Variants in ARL3 observed in about 807,000 individuals in gnomAD.
ARL3 encodes the protein ARF like GTPase 3, also known as ADP-ribosylation factor-like protein 3.
ARL3 carries 9 observed loss-of-function variants against 26.0 expected under a neutral mutation model. The ratio of observed to expected loss-of-function variants is 0.35; its 90% confidence interval spans 0.21 to 0.60. The LOEUF is 0.60. Ranked by LOEUF, ARL3 falls within the 20% of genes least tolerant of loss-of-function variation. The pLI is 0.78. For missense variants in ARL3, 158 were observed against 215.7 expected, an observed-to-expected ratio of 0.73 and a Z score of 1.67; for synonymous variants, 71 against 78.4, an observed-to-expected ratio of 0.91 and a Z score of 0.50.
At chr10:102,696,200 G>A (rs927165125) in intron 3 of ARL3, among the ~76,000 whole-genome samples, 2 of 151,148 alleles carry the variant, frequency 1.3e-5, no homozygotes, top group African/African-American at 4.9e-5. Context: ...TCCTGACCTC[G>A]TGATCCACCC....
chr10:102,707,307 AAAAAAGAAAAAAG>A (rs937384435), intron 1 of ARL3, among the ~76,000 whole-genome samples: 5 of 152,104 alleles, frequency 3.3e-5, no homozygotes, highest in South Asian at 2.1e-4. Flanking sequence ...CAAAAAGAAA[AAAAAAGAAAAAAG>A]AAAAAGAAAA....
chr10:102,697,392 T>A (rs1692634792), intron 3 of ARL3, among the ~76,000 whole-genome samples: 1 of 152,210 alleles, frequency 6.6e-6, no homozygotes. Context: ...TTGGCCAGGC[T>A]AGTCTTGAAT....
At chr10:102,686,156 T>G (rs2064184175) in intron 4 of ARL3, among the ~76,000 whole-genome samples, 155 bp from the exon 5 acceptor site, 2 of 151,190 alleles carry the variant, frequency 1.3e-5, no homozygotes, top group Non-Finnish European at 3.0e-5. Flanking sequence ...ACTGCAACCT[T>G]CGCTTCCCAG....
chr10:102,690,057 C>A, intron 3 of ARL3, 114 bp from the exon 4 acceptor site: 1 of 578,648 alleles, frequency 1.7e-6, no homozygotes, highest in South Asian at 2.8e-5. Context: ...GCACAACATA[C>A]AGAAATTGAC....
At chr10:102,688,781 G>A (rs2064201235) in intron 4 of ARL3, among the ~76,000 whole-genome samples, 1 of 152,210 alleles carries the variant, frequency 6.6e-6, no homozygotes, top group Admixed American at 6.5e-5. Flanking sequence ...GGGATTACAG[G>A]CGCGAGCCAC....
At chr10:102,701,674 A>G (rs1358323186) in intron 2 of ARL3, among the ~76,000 whole-genome samples, 2 of 152,206 alleles carry the variant, frequency 1.3e-5, no homozygotes, top group East Asian at 1.9e-4. Context: ...CAGAAAATAA[A>G]TAACAGTAAA....
At position 102,693,361 on chromosome 10, in the gene ARL3, G is replaced by GT. The variant is rs1026056501; in HGVS notation, c.265-3419dup. ...TCCGTATCAGCATTTGGTATTGTCA[G>GT]TTTTTTTTTTATTTTAGCCAGTCTA... On this transcript the variant is annotated intron_variant, in intron 3 of 5. Coordinates refer to ENST00000260746, the MANE Select transcript of ARL3 (RefSeq NM_004311.4). Among the ~76,000 whole-genome samples the GT allele has an allele frequency of 2.1e-3, 317 of 149,260 alleles. 2 individuals carry two copies. Among genetic ancestry groups the GT allele is most frequent in the Non-Finnish European group, 1.1e-3 (76 of 67,044 alleles).
At chr10:102,697,456 C>T (rs779246945) in intron 3 of ARL3, among the ~76,000 whole-genome samples, 3 of 152,296 alleles carry the variant, frequency 2.0e-5, no homozygotes, top group East Asian at 1.9e-4. Flanking sequence ...GGATTACAGG[C>T]GTGAGCCGCT....
intron 5 of ARL3, among the ~76,000 whole-genome samples, chr10:102,677,344 C>T (rs902193152): frequency 2.6e-5 from 4 of 152,204 alleles, no homozygotes; most frequent in African/African-American, 7.2e-5. Flanking sequence ...CCTTTTGGTG[C>T]CCCATGTGTT....
At position 102,674,830 on chromosome 10, in the gene ARL3, AG is replaced by A. The variant is rs1274784441; in HGVS notation, c.*2063del. ...GCTGAGAGCAAATCAGAACATTTACAGAGGCCGTTATCAGAGGAGTGGCTTC... is the reference window on the plus strand; with the variant it reads ...GCTGAGAGCAAATCAGAACATTTACAAGGCCGTTATCAGAGGAGTGGCTTC... On this transcript the variant is annotated 3_prime_UTR_variant, in exon 6 of 6. Coordinates refer to ENST00000260746, the MANE Select transcript of ARL3 (RefSeq NM_004311.4). The A allele has an allele frequency of 6.6e-6, 1 of 152,184 alleles. No individual in the cohort carries two copies. The highest frequency in any genetic ancestry group is 1.9e-4 in the East Asian group (1 of 5,186). 9.4% of individuals were successfully genotyped at this position (152,184 alleles called of 1,614,324 possible). A position where few individuals can be genotyped will look rare whatever the true frequency, so the allele number is the denominator to read the frequency against.
At chr10:102,711,706 G>A (rs528249332) in intron 1 of ARL3, among the ~76,000 whole-genome samples, 2 of 152,106 alleles carry the variant, frequency 1.3e-5, no homozygotes, top group South Asian at 4.1e-4. Flanking sequence ...GCAGTGAACG[G>A]AGATCGCGCC....
At chr10:102,705,170 C>T (rs2064302580) in intron 2 of ARL3, among the ~76,000 whole-genome samples, 176 bp downstream of exon 2, 1 of 152,178 alleles carries the variant, frequency 6.6e-6, no homozygotes. Context: ...CTCTAAATAC[C>T]TCATGAGAAT....
At chr10:102,682,152 C>T (rs1473563306) in intron 5 of ARL3, among the ~76,000 whole-genome samples, 1 of 152,140 alleles carries the variant, frequency 6.6e-6, no homozygotes, top group African/African-American at 2.4e-5. Flanking sequence ...TTCTCCCTCC[C>T]AGACATTTTT....
Position 102,714,301 on chromosome 10 carries a change from TCC to T in ARL3, c.-28_-27del. The T allele has an allele frequency of 7.6e-7, 1 of 1,311,700 alleles. No individual in the cohort carries two copies. Among genetic ancestry groups the T allele is most frequent in the Non-Finnish European group, 9.8e-7 (1 of 1,022,036 alleles). 81.3% of individuals were successfully genotyped at this position (1,311,700 alleles called of 1,614,324 possible). On this transcript the variant is annotated 5_prime_UTR_variant, in exon 1 of 6. Coordinates refer to ENST00000260746, the MANE Select transcript of ARL3 (RefSeq NM_004311.4). ...CCTCCCGCCGAGTCCCTCCTCCTCC[TCC>T]TCCTCCTGCTGCCTCCCCCGTTACC...
rs745485828 is a variant in ARL3, at chr10:102,676,885, G to T, written c.*9C>A. ...TCCCGCAGCTCCTGCATCTCCATTC[G>T]TCTAGATTTTATTTCTTCTTTGCAT... is the stretch of plus-strand genomic sequence containing the variant. On this transcript the variant is annotated 3_prime_UTR_variant, in exon 6 of 6. Coordinates refer to ENST00000260746, the MANE Select transcript of ARL3 (RefSeq NM_004311.4). The T allele has an allele frequency of 1.2e-6, 2 of 1,613,930 alleles. No homozygotes were observed. Among genetic ancestry groups the T allele is most frequent in the South Asian group, 1.1e-5 (1 of 91,078 alleles).
intron 5 of ARL3, among the ~76,000 whole-genome samples, chr10:102,685,410 C>CCCT (rs1479556953): frequency 6.6e-6 from 1 of 152,056 alleles, no homozygotes; most frequent in African/African-American, 2.4e-5. Context: ...AGATAACCAA[C>CCCT]AGAAGAAACA....
At chr10:102,700,851 C>A (rs539464878) in intron 2 of ARL3, among the ~76,000 whole-genome samples, 2 of 146,836 alleles carry the variant, frequency 1.4e-5, no homozygotes, top group South Asian at 4.3e-4. Flanking sequence ...GATTATCCTG[C>A]CTCAGCCTCC....
rs1441103530 is a variant in ARL3 at position 102,685,810 on chromosome 10, T to C, written c.501+6A>G. ...GCCAGGTGGCCAAGCCTTCCTGTAA[T>C]CTCACCTGAACGCCCTCTCCTGTGA... On this transcript the variant is annotated splice_donor_region_variant and intron_variant, in intron 5 of 5. Transcript: ENST00000260746. 2.1e-5 allele frequency: 33 copies of C among 1,598,114 alleles called. No individual in the cohort carries two copies. Among genetic ancestry groups the C allele is most frequent in the Non-Finnish European group, 2.6e-5 (30 of 1,171,828 alleles).
At chr10:102,685,445 C>T (rs747865114) in intron 5 of ARL3, among the ~76,000 whole-genome samples, 1 of 151,996 alleles carries the variant, frequency 6.6e-6, no homozygotes, top group East Asian at 1.9e-4. Flanking sequence ...ATGACTAGTA[C>T]GTGTATGGTT....
Sources: gnomAD v4.1 joint callset for allele counts (sites outside exome capture counted in the v4.1 genomes callset) on GRCh38, gnomAD v4.1.1 for gene constraint, MANE v1.5 for transcripts, NCBI Gene and HGNC (gene_info 2026-07-23, HGNC 2026-07-21) for gene names.